The following SFXN1 variants were observed in gnomAD, a reference collection of about 807,000 sequenced individuals.
The protein encoded by SFXN1 is sideroflexin-1.
A neutral mutation model predicts 39.5 loss-of-function variants in SFXN1; 32 were observed. The ratio of observed to expected loss-of-function variants is 0.81; its 90% CI spans 0.61 to 1.09. The LOEUF (loss-of-function observed/expected upper bound fraction) is 1.09, where lower values mean the gene tolerates loss of function less well. Ranked by LOEUF, SFXN1 falls within the 50% of genes least tolerant of loss-of-function variation. SFXN1 has a pLI of 0.00. For missense variants in SFXN1, 402 were observed against 407.1 expected (o/e 0.99, Z 0.11); for synonymous variants, 136 against 146.5 (o/e 0.93, Z 0.52).
intron 1 of SFXN1, among the ~76,000 whole-genome samples, chr5:175,487,125 G>A (rs1759477772): frequency 6.6e-6 from 1 of 152,170 alleles, no homozygotes; most frequent in Non-Finnish European, 1.5e-5. Context: ...ATGGCTCACG[G>A]CCTCATGTAC....
At chr5:175,486,890 G>T (rs1759469430) in intron 1 of SFXN1, among the ~76,000 whole-genome samples, 2 of 152,300 alleles carry the variant, frequency 1.3e-5, no homozygotes, top group South Asian at 4.1e-4. Context: ...TTGTTATTAG[G>T]AACTAGAATT....
intron 8 of SFXN1, among the ~76,000 whole-genome samples, chr5:175,519,082 C>G (rs534785836): frequency 6.6e-6 from 1 of 152,340 alleles, no homozygotes; most frequent in East Asian, 1.9e-4. Flanking sequence ...CAAGTACATA[C>G]AGTTCTCAAG....
Position 175,527,936 on chromosome 5 carries a change from T to C in SFXN1, c.*1202T>C, listed in dbSNP as rs1761117515. On this transcript the variant is annotated 3_prime_UTR_variant, in exon 11 of 11. Coordinates refer to ENST00000321442, the MANE Select transcript of SFXN1 (RefSeq NM_022754.7). ...GAAAATTTTTTTTTTTTTTTTTTTT[T>C]TGAGACGGAGTCTCGCTCTGTCACC... 1 of 150,792 alleles carries C rather than the reference T, an allele frequency of 6.6e-6. No homozygotes were observed. Among genetic ancestry groups the C allele is most frequent in the Non-Finnish European group, 1.5e-5 (1 of 67,876 alleles). The allele number at this position is 150,792 out of a possible 1,614,324, so 9.3% of individuals were successfully genotyped here.
At chr5:175,479,268 C>T (rs959137811) in intron 1 of SFXN1, among the ~76,000 whole-genome samples, 8 of 152,220 alleles carry the variant, frequency 5.3e-5, no homozygotes, top group African/African-American at 1.7e-4. Context: ...AATAAACAGT[C>T]TACTAAGTGC....
At chr5:175,510,068 G>A (rs531032465) in intron 3 of SFXN1, 41 bp from the exon 4 acceptor site, 126 of 1,549,184 alleles carry the variant, frequency 8.1e-5, no homozygotes, top group Non-Finnish European at 1.1e-4. Flanking sequence ...CCGCGGCTGG[G>A]CCCAGTGATG....
At chr5:175,511,962 G>A in intron 5 of SFXN1, 149 bp from the exon 6 acceptor site, 1 of 694,326 alleles carries the variant, frequency 1.4e-6, no homozygotes, top group Non-Finnish European at 2.4e-6. Context: ...TACAAATACT[G>A]CTAGGAAAAG....
chr5:175,508,312 A>G (rs1254606323), intron 2 of SFXN1, among the ~76,000 whole-genome samples: 3 of 142,360 alleles, frequency 2.1e-5, no homozygotes, highest in South Asian at 2.2e-4. Flanking sequence ...TGCAGCCTCA[A>G]CCTCCCGGGC....
At position 175,520,413 on chromosome 5, in the gene SFXN1, T is replaced by C. The variant is rs530340639; in HGVS notation, c.775-1506T>C. Among the ~76,000 whole-genome samples, 3 of 152,228 alleles carry C rather than the reference T, an allele frequency of 2.0e-5. No individual in the cohort carries two copies. The South Asian group carries it at 6.2e-4, about 32-fold the overall frequency. On this transcript the variant is annotated intron_variant, in intron 8 of 10. Coordinates refer to ENST00000321442, the MANE Select transcript of SFXN1 (RefSeq NM_022754.7). ...CTGACTAATGTGGTATCAGACTTTC[T>C]GGTTGCAAGGTAGGGGTGAATAAGG...
At chr5:175,518,046 T>C (rs187046650) in intron 8 of SFXN1, among the ~76,000 whole-genome samples, 23 of 152,094 alleles carry the variant, frequency 1.5e-4, no homozygotes, top group Non-Finnish European at 2.2e-4. Flanking sequence ...ACGCCTTATC[T>C]CTCCCCAAGT....
chr5:175,486,057 C>T (rs1759437678), intron 1 of SFXN1, among the ~76,000 whole-genome samples: 1 of 152,150 alleles, frequency 6.6e-6, no homozygotes, highest in Non-Finnish European at 1.5e-5. Context: ...TTTTCCTCGC[C>T]TACAAAGGAA....
At chr5:175,520,553 C>T (rs1760848857) in intron 8 of SFXN1, among the ~76,000 whole-genome samples, 1 of 152,260 alleles carries the variant, frequency 6.6e-6, no homozygotes, top group East Asian at 1.9e-4. Context: ...CGTCAAAACC[C>T]TCTGCATGAG....
At chr5:175,494,469 C>T (rs182627005) in intron 2 of SFXN1, among the ~76,000 whole-genome samples, 19 of 152,212 alleles carry the variant, frequency 1.2e-4, no homozygotes, top group African/African-American at 3.1e-4. Flanking sequence ...CAAGTGCAGC[C>T]GGGCACAGTG....
chr5:175,507,826 A>G lies in SFXN1; in HGVS notation c.165-1206A>G, dbSNP rs184995925. Among the ~76,000 whole-genome samples the G allele has an allele frequency of 4.7e-4, 71 of 152,290 alleles. 1 individual carries two copies. The highest frequency in any genetic ancestry group is 1.6e-3 in the African/African-American group (66 of 41,554). On this transcript the variant is annotated intron_variant, in intron 2 of 10. Coordinates refer to ENST00000321442, the MANE Select transcript of SFXN1 (RefSeq NM_022754.7). ...TGTCTACAAAAAATGCAAAAAAATTAACCAGGCATGGTGGCGCATGCCTAT... is the reference window on the plus strand; with the variant it reads ...TGTCTACAAAAAATGCAAAAAAATTGACCAGGCATGGTGGCGCATGCCTAT...
intron 6 of SFXN1, 135 bp downstream of exon 6, chr5:175,512,331 T>A: frequency 1.3e-6 from 1 of 787,786 alleles, no homozygotes; most frequent in Non-Finnish European, 2.0e-6. Context: ...TGGATTTCTT[T>A]TGAAATACTC....
At chr5:175,515,166 G>A (rs1311889202) in intron 7 of SFXN1, among the ~76,000 whole-genome samples, 1 of 152,166 alleles carries the variant, frequency 6.6e-6, no homozygotes, top group African/African-American at 2.4e-5. Flanking sequence ...ACAGGCGTGC[G>A]CCACCACACC....
chr5:175,499,631 A>G (rs1759996321), intron 2 of SFXN1, among the ~76,000 whole-genome samples: 1 of 152,222 alleles, frequency 6.6e-6, no homozygotes, highest in African/African-American at 2.4e-5. Flanking sequence ...CTGTCAGCAA[A>G]CTAGGAATAG....
chr5:175,508,245 T>G (rs1299504054), intron 2 of SFXN1, among the ~76,000 whole-genome samples: 3 of 138,876 alleles, frequency 2.2e-5, no homozygotes, highest in African/African-American at 8.2e-5. Context: ...TTTTTTTTTT[T>G]TTTGAGAGGG....
chr5:175,506,949 C>A (rs1399722786), intron 2 of SFXN1, among the ~76,000 whole-genome samples: 1 of 152,204 alleles, frequency 6.6e-6, no homozygotes, highest in Non-Finnish European at 1.5e-5. Context: ...CAGGCGTGAG[C>A]CACCATGCCC....
At position 175,521,904 on chromosome 5, in the gene SFXN1, T is replaced by C. The variant is rs1489870094; in HGVS notation, c.775-15T>C. The C allele has an allele frequency of 6.3e-7, 1 of 1,588,946 alleles. No homozygotes were observed. The highest frequency in any genetic ancestry group is 8.6e-7 in the Non-Finnish European group (1 of 1,162,720). ...TGTATAAAAAGTATTCAAAGCCATT[T>C]ATTTCTCAACACAGAGGTTCCCATG... On this transcript the variant is annotated splice_polypyrimidine_tract_variant and intron_variant, in intron 8 of 10. Transcript: ENST00000321442.
Sources: allele counts gnomAD v4.1 joint callset (sites outside exome capture counted in the v4.1 genomes callset), GRCh38; gene constraint gnomAD v4.1.1; transcripts MANE v1.5; gene names NCBI Gene and HGNC (gene_info 2026-07-23, HGNC 2026-07-21).